The following CACUL1 variants were observed in gnomAD, a reference collection of about 807,000 sequenced individuals.
CACUL1 encodes CDK2-associated and cullin domain-containing protein 1.
Under a neutral mutation model 45.2 loss-of-function variants are expected in CACUL1, and 13 were observed. That is an observed-to-expected ratio of 0.29 (90% CI 0.19 to 0.46). CACUL1 has a LOEUF of 0.46. Ranked by LOEUF, CACUL1 falls within the 20% of genes least tolerant of loss-of-function variation. CACUL1 has a pLI of 1.00. For missense variants in CACUL1, 421 were observed against 471.4 expected, an observed-to-expected ratio of 0.89 and a Z score of 0.99; for synonymous variants, 197 against 174.2, an observed-to-expected ratio of 1.13 and a Z score of -1.03.
chr10:118,724,375 G>A (rs1225655106), intron 3 of CACUL1, among the ~76,000 whole-genome samples: 9 of 152,028 alleles, frequency 5.9e-5, no homozygotes, highest in Admixed American at 5.9e-4. Context: ...CCTGTGGTCT[G>A]ATTTTTGTAA....
chr10:118,699,724 A>G (rs561950743), intron 5 of CACUL1, among the ~76,000 whole-genome samples: 2 of 152,042 alleles, frequency 1.3e-5, no homozygotes, highest in African/African-American at 4.8e-5. Flanking sequence ...GGCTCACTGC[A>G]AGCTCCGCAT....
At chr10:118,718,067 A>G (rs1351907400) in intron 3 of CACUL1, among the ~76,000 whole-genome samples, 1 of 152,116 alleles carries the variant, frequency 6.6e-6, no homozygotes, top group Non-Finnish European at 1.5e-5. Context: ...GGGGTAAGAA[A>G]CCCTGCAACC....
At chr10:118,717,006 G>A (rs961501550) in intron 3 of CACUL1, among the ~76,000 whole-genome samples, 4 of 152,204 alleles carry the variant, frequency 2.6e-5, no homozygotes, top group Non-Finnish European at 5.9e-5. Context: ...CTCAAAGAAT[G>A]CTTCTCTCCG....
intron 5 of CACUL1, among the ~76,000 whole-genome samples, chr10:118,696,974 T>C (rs577064601): frequency 6.8e-6 from 1 of 147,212 alleles, no homozygotes. Flanking sequence ...TGAAATCCCC[T>C]ATGTCAAATT....
At chr10:118,705,940 A>G (rs766085049) in intron 4 of CACUL1, among the ~76,000 whole-genome samples, 63 of 152,242 alleles carry the variant, frequency 4.1e-4, no homozygotes, top group Admixed American at 1.2e-3. Context: ...CTCTTAATCT[A>G]TAAGAAAAGC....
intron 8 of CACUL1, 35 bp from the exon 9 acceptor site, chr10:118,686,203 A>G (rs746012333): frequency 1.9e-6 from 3 of 1,561,378 alleles, no homozygotes; most frequent in South Asian, 2.2e-5. Flanking sequence ...AAGTATGAAG[A>G]GCAGACAGCA....
rs150393133 is a variant in CACUL1 at position 118,738,892 on chromosome 10, T to TAAAAAAAAAAAAAAAAA, written c.368-8499_368-8483dup. ...AAAAAAGAAGTAATCCAAGTGCTCT[T>TAAAAAAAAAAAAAAAAA]AAAAAAAAAAAAAAAAAAAAAAAGC... is the stretch of plus-strand genomic sequence containing the variant. On this transcript the variant is annotated intron_variant, in intron 1 of 8. Transcript: ENST00000369151. 4.3e-4 allele frequency among the ~76,000 whole-genome samples: 27 copies of TAAAAAAAAAAAAAAAAA among 62,256 alleles called. 4 individuals are homozygous for TAAAAAAAAAAAAAAAAA. The highest frequency in any genetic ancestry group is 1.7e-3 in the African/African-American group (27 of 16,162). 40.8% of individuals were successfully genotyped at this position (62,256 alleles called of 152,430 possible).
intron 1 of CACUL1, among the ~76,000 whole-genome samples, chr10:118,748,090 A>C (rs1845861587): frequency 2.0e-5 from 3 of 152,176 alleles, no homozygotes; most frequent in East Asian, 3.8e-4. Flanking sequence ...ATCTCCAAAA[A>C]AAAAGAGAGA....
Position 118,678,136 on chromosome 10 carries a change from T to G in CACUL1, c.*7992A>C, listed in dbSNP as rs115356295. The G allele has an allele frequency of 1.3e-5, 2 of 152,328 alleles. No homozygotes were observed. Among genetic ancestry groups the G allele is most frequent in the African/African-American group, 4.8e-5 (2 of 41,566 alleles). The allele number at this position is 152,328 out of a possible 1,614,324, so 9.4% of individuals were successfully genotyped here. On this transcript the variant is annotated 3_prime_UTR_variant, in exon 9 of 9. Coordinates refer to ENST00000369151, the MANE Select transcript of CACUL1 (RefSeq NM_153810.5). Reference sequence around the variant, plus strand: ...TCTGTTTCTTCTGTGAAATGCCTGCTAGTGTTTGGGGTCCGTCTCTCCTGA... The same window carrying G: ...TCTGTTTCTTCTGTGAAATGCCTGCGAGTGTTTGGGGTCCGTCTCTCCTGA...
intron 5 of CACUL1, among the ~76,000 whole-genome samples, chr10:118,697,627 T>G (rs1845335624): frequency 6.6e-6 from 1 of 152,220 alleles, no homozygotes; most frequent in Non-Finnish European, 1.5e-5. Context: ...GAAAAGCAAT[T>G]CATAAAACTG....
intron 5 of CACUL1, among the ~76,000 whole-genome samples, chr10:118,698,193 T>A (rs1453504129): frequency 2.0e-5 from 3 of 151,414 alleles, no homozygotes; most frequent in African/African-American, 7.3e-5. Flanking sequence ...GTAGCCAGGC[T>A]GGAGTGCAGT....
chr10:118,744,274 C>T (rs4751670), intron 1 of CACUL1, among the ~76,000 whole-genome samples: 120,832 of 152,092 alleles, frequency 0.79, 48,093 homozygotes, highest in Admixed American at 0.83. Flanking sequence ...TAGTCCCAGC[C>T]ACTCAGGAGG....
intron 5 of CACUL1, among the ~76,000 whole-genome samples, chr10:118,699,708 G>A (rs541673049): frequency 3.2e-4 from 49 of 151,660 alleles, no homozygotes; most frequent in Admixed American, 3.0e-3. Context: ...GCAGTGACGC[G>A]ATCTCGGCTC....
intron 8 of CACUL1, 69 bp downstream of exon 8, chr10:118,686,529 T>A (rs779865209): frequency 6.0e-6 from 7 of 1,166,386 alleles, no homozygotes; most frequent in African/African-American, 1.5e-5. Flanking sequence ...TGCACTGTTA[T>A]CACAGTGCAT....
At chr10:118,691,587 G>A (rs1300247478) in intron 6 of CACUL1, 184 bp from the exon 7 acceptor site, 1 of 533,498 alleles carries the variant, frequency 1.9e-6, no homozygotes, top group Non-Finnish European at 3.3e-6. Context: ...AATTTTACAG[G>A]CCGGGTGCGG....
chr10:118,686,443 C>A lies in CACUL1; in HGVS notation c.1069+155G>T, dbSNP rs186972304. 2.8e-3 allele frequency among the ~76,000 whole-genome samples: 425 copies of A among 152,256 alleles called. 2 individuals carry two copies. The highest frequency in any genetic ancestry group is 9.9e-3 in the African/African-American group (412 of 41,556). On this transcript the variant is annotated intron_variant, in intron 8 of 8. Coordinates refer to ENST00000369151, the MANE Select transcript of CACUL1 (RefSeq NM_153810.5). ...GAACCATCGCTACCAGCTGGAGCTG[C>A]CACAGCATGCAAAGCATCCTGACCT...
At chr10:118,698,621 A>C (rs1845346674) in intron 5 of CACUL1, among the ~76,000 whole-genome samples, 1 of 152,192 alleles carries the variant, frequency 6.6e-6, no homozygotes. Flanking sequence ...GGAAACACAG[A>C]GGAACCAAAA....
intron 5 of CACUL1, among the ~76,000 whole-genome samples, chr10:118,700,877 A>C (rs1325631355): frequency 6.6e-6 from 1 of 152,262 alleles, no homozygotes; most frequent in East Asian, 1.9e-4. Flanking sequence ...ATAGAGAATA[A>C]ATGACAGAAC....
chr10:118,717,955 A>T (rs536194541), intron 3 of CACUL1, among the ~76,000 whole-genome samples: 1 of 116,126 alleles, frequency 8.6e-6, no homozygotes, highest in Non-Finnish European at 1.8e-5. Flanking sequence ...CCTCCATGAC[A>T]AAAAAAGGTG....
Sources: gnomAD v4.1 joint callset for allele counts (sites outside exome capture counted in the v4.1 genomes callset) on GRCh38, gnomAD v4.1.1 for gene constraint, MANE v1.5 for transcripts, NCBI Gene and HGNC (gene_info 2026-07-23, HGNC 2026-07-21) for gene names.